Variants in RRM1 observed in about 807,000 individuals in gnomAD.
RRM1 encodes ribonucleotide reductase catalytic subunit M1.
RRM1 carries 19 observed loss-of-function variants against 101.5 expected under a neutral mutation model. That is an observed-to-expected ratio of 0.19 (90% CI 0.13 to 0.27). The LOEUF (loss-of-function observed/expected upper bound fraction) is 0.27, where lower values mean the gene tolerates loss of function less well. Ranked by LOEUF, RRM1 falls within the 10% of genes least tolerant of loss-of-function variation. RRM1 has a pLI of 1.00. For synonymous variants in RRM1, 298 were observed against 323.4 expected (o/e 0.92, Z 0.84); for missense variants, 500 against 962.9 (o/e 0.52, Z 6.36).
At position 4,132,505 on chromosome 11, in the gene RRM1, C is replaced by A; in HGVS notation, c.1905+84C>A. ...AAATGCTCACTCATGTTTAATTTGCCCATTTTCTTAGTTTGGGTGCAAACT... is the reference window on the plus strand; with the variant it reads ...AAATGCTCACTCATGTTTAATTTGCACATTTTCTTAGTTTGGGTGCAAACT... On this transcript the variant is annotated intron_variant, in intron 16 of 18. Transcript: ENST00000300738. This position sits in a 1 kb window ranked among gnomAD's most constrained non-coding sequence, Gnocchi z 4.1. The A allele has an allele frequency of 6.8e-7, 1 of 1,465,892 alleles. No homozygotes were observed. The highest frequency in any genetic ancestry group is 9.3e-7 in the Non-Finnish European group (1 of 1,069,528). The allele number at this position is 1,465,892 out of a possible 1,614,324, so 90.8% of individuals were successfully genotyped here.
chr11:4,103,309 T>C (rs924588899), intron 2 of RRM1, among the ~76,000 whole-genome samples: 1 of 152,210 alleles, frequency 6.6e-6, no homozygotes, highest in Admixed American at 6.5e-5. Flanking sequence ...CTCTTTTATA[T>C]TGAGGACTTA....
chr11:4,116,752 T>C (rs940748144), intron 7 of RRM1, among the ~76,000 whole-genome samples: 10 of 151,792 alleles, frequency 6.6e-5, no homozygotes, highest in Non-Finnish European at 1.5e-4. Flanking sequence ...AAAGGCTGGC[T>C]TGAGGGCAGA....
chr11:4,113,180 CA>C (rs2094567933), intron 7 of RRM1, among the ~76,000 whole-genome samples: 2 of 151,642 alleles, frequency 1.3e-5, no homozygotes, highest in Non-Finnish European at 2.9e-5. Context: ...ATGGTAACAT[CA>C]AAAAATACAT....
At chr11:4,118,899 A>G (rs1177876843) in intron 8 of RRM1, among the ~76,000 whole-genome samples, 3 of 152,230 alleles carry the variant, frequency 2.0e-5, no homozygotes, top group Non-Finnish European at 4.4e-5. Flanking sequence ...TAATTTTACA[A>G]GTGAGGAAAT....
At chr11:4,108,117 T>C (rs1027395380) in intron 4 of RRM1, among the ~76,000 whole-genome samples, 13 of 152,208 alleles carry the variant, frequency 8.5e-5, no homozygotes, top group Non-Finnish European at 1.9e-4. Flanking sequence ...CCAAAAAGGT[T>C]GCTCAGGTAA....
chr11:4,108,036 C>G (rs536279923), intron 4 of RRM1, among the ~76,000 whole-genome samples: 1 of 152,178 alleles, frequency 6.6e-6, no homozygotes, highest in African/African-American at 2.4e-5. Flanking sequence ...TAAGATAAAT[C>G]CCTTCAGTAG....
intron 14 of RRM1, among the ~76,000 whole-genome samples, 160 bp downstream of exon 14, chr11:4,127,416 G>A (rs138688293): frequency 1.3e-5 from 2 of 152,194 alleles, no homozygotes. Context: ...TAAGAACCTT[G>A]AGATAAGGAG....
At chr11:4,101,888 C>A (rs1002541289) in intron 1 of RRM1, 105 bp from the exon 2 acceptor site, 5 of 665,536 alleles carry the variant, frequency 7.5e-6, no homozygotes, top group Admixed American at 2.7e-5. Flanking sequence ...AATAGCACTT[C>A]ATGTTGGTCA....
rs376773813 is a variant in RRM1, at chr11:4,133,662, T to C, written c.2001+4T>C. On this transcript the variant is annotated splice_donor_region_variant and intron_variant, in intron 17 of 18. Coordinates refer to ENST00000300738, the MANE Select transcript of RRM1 (RefSeq NM_001033.5). ...TGCATGCAATGGCTCTATTCAGGTATAGAATGAAAATGAAGTGTGCTCTGC... is the reference window on the plus strand; with the variant it reads ...TGCATGCAATGGCTCTATTCAGGTACAGAATGAAAATGAAGTGTGCTCTGC... The C allele has an allele frequency of 3.7e-5, 58 of 1,580,370 alleles. No individual in the cohort carries two copies. The highest frequency in any genetic ancestry group is 1.4e-4 in the South Asian group (13 of 89,872).
intron 5 of RRM1, among the ~76,000 whole-genome samples, chr11:4,111,119 T>C (rs2094564843): frequency 6.6e-6 from 1 of 151,822 alleles, no homozygotes; most frequent in African/African-American, 2.4e-5. Context: ...TCCTTGAGCT[T>C]AGGAGTTTGA....
At chr11:4,102,115 C>G (rs1348310) in intron 2 of RRM1, 34 bp downstream of exon 2, 1,000,017 of 1,096,968 alleles carry the variant, frequency 0.91, 457,223 homozygotes, top group South Asian at 0.94. Context: ...TGGGTTCCTT[C>G]TTTCATGTGT....
intron 7 of RRM1, 24 bp downstream of exon 7, chr11:4,112,086 A>G: frequency 6.3e-7 from 1 of 1,587,298 alleles, no homozygotes; most frequent in Non-Finnish European, 8.6e-7. Context: ...GTAGGGAAAT[A>G]CGCCTTGACC....
intron 3 of RRM1, 156 bp downstream of exon 3, chr11:4,106,379 GC>G: frequency 1.6e-6 from 1 of 641,898 alleles, no homozygotes; most frequent in Non-Finnish European, 2.7e-6. Context: ...CAGGCAAATC[GC>G]TTGAGTCCAG....
At chr11:4,133,529 T>A in intron 16 of RRM1, 34 bp from the exon 17 acceptor site, 2 of 1,335,206 alleles carry the variant, frequency 1.5e-6, no homozygotes, top group Non-Finnish European at 2.1e-6. Context: ...CACTGTTATT[T>A]ATTTCTTCAT....
At chr11:4,133,736 G>T in intron 17 of RRM1, 78 bp downstream of exon 17, 1 of 784,752 alleles carries the variant, frequency 1.3e-6, no homozygotes, top group East Asian at 2.5e-5. Flanking sequence ...GCTAGACAAT[G>T]GAGAGAATGA....
At chr11:4,109,535 T>C (rs546883812) in intron 4 of RRM1, 109 bp from the exon 5 acceptor site, 8 of 714,688 alleles carry the variant, frequency 1.1e-5, no homozygotes, top group Non-Finnish European at 1.6e-5. Context: ...GTTATCTCAT[T>C]GTATCCTGTG....
chr11:4,109,722 G>A lies in RRM1; in HGVS notation c.447+19G>A. 6.4e-7 allele frequency: 1 copy of A among 1,559,254 alleles called. No homozygotes were observed. Reference sequence around the variant, plus strand: ...CTTTAAGGTAAATAATGGGTTTCAAGTATGTGGGAATTTATACTTAAATCA... The same window carrying A: ...CTTTAAGGTAAATAATGGGTTTCAAATATGTGGGAATTTATACTTAAATCA... On this transcript the variant is annotated intron_variant, in intron 5 of 18. Coordinates refer to ENST00000300738, the MANE Select transcript of RRM1 (RefSeq NM_001033.5).
chr11:4,099,282 G>A (rs914423084), intron 1 of RRM1: 21 of 130,154 alleles, frequency 1.6e-4, no homozygotes, highest in Non-Finnish European at 2.1e-4. Context: ...TGGGATTACA[G>A]CATACCCAGC....
intron 1 of RRM1, among the ~76,000 whole-genome samples, chr11:4,095,757 C>T (rs1244780885): frequency 6.6e-6 from 1 of 152,154 alleles, no homozygotes; most frequent in African/African-American, 2.4e-5. Flanking sequence ...ATTAGACTTG[C>T]CAAGTGCCCG....
Sources: allele counts gnomAD v4.1 joint callset (sites outside exome capture counted in the v4.1 genomes callset), GRCh38; gene constraint gnomAD v4.1.1; non-coding constraint Gnocchi (gnomAD v3.1); transcripts MANE v1.5; gene names NCBI Gene and HGNC (gene_info 2026-07-23, HGNC 2026-07-21).